The following VEGFC variants were observed in gnomAD, a reference collection of about 807,000 sequenced individuals.
VEGFC encodes the protein FLT4 ligand DHM.
Under a neutral mutation model 46.1 loss-of-function variants are expected in VEGFC, and 12 were observed. The observed-to-expected ratio is 0.26, with a 90% confidence interval of 0.17 to 0.42. The LOEUF is 0.42. Among genes scored for constraint, VEGFC ranks in the 10% least tolerant of loss-of-function variants. The pLI is 1.00. For synonymous variants in VEGFC, 232 were observed against 195.5 expected, an observed-to-expected ratio of 1.19 and a Z score of -1.56; for missense variants, 488 against 529.4, an observed-to-expected ratio of 0.92 and a Z score of 0.77.
chr4:176,692,606 G>A (rs60467889), intron 4 of VEGFC, among the ~76,000 whole-genome samples: 6,940 of 114,788 alleles, frequency 0.06, 629 homozygotes, highest in African/African-American at 0.23. Flanking sequence ...CGGGAAGCTC[G>A]AACTGGGTGG....
intron 1 of VEGFC, among the ~76,000 whole-genome samples, chr4:176,731,878 T>C (rs1025381806): frequency 1.3e-5 from 2 of 151,876 alleles, no homozygotes; most frequent in Non-Finnish European, 2.9e-5. Context: ...AAATGAGAAA[T>C]AACTATAACA....
intron 4 of VEGFC, among the ~76,000 whole-genome samples, chr4:176,698,574 A>G (rs1734366974): frequency 6.6e-6 from 1 of 152,054 alleles, no homozygotes; most frequent in Non-Finnish European, 1.5e-5. Context: ...CCACACCTCA[A>G]AGAGTTACTG....
chr4:176,789,862 C>T (rs532661282), intron 1 of VEGFC, among the ~76,000 whole-genome samples: 2 of 152,138 alleles, frequency 1.3e-5, no homozygotes, highest in Non-Finnish European at 2.9e-5. Context: ...AGTTTGTGTG[C>T]TATTTTTGAT....
intron 4 of VEGFC, among the ~76,000 whole-genome samples, chr4:176,699,245 C>T (rs892328010): frequency 6.6e-6 from 1 of 152,156 alleles, no homozygotes; most frequent in African/African-American, 2.4e-5. Flanking sequence ...GTGTGAGCCA[C>T]CAGCATTAGT....
chr4:176,697,981 G>A (rs1303047926), intron 4 of VEGFC, among the ~76,000 whole-genome samples: 3 of 151,552 alleles, frequency 2.0e-5, no homozygotes, highest in Non-Finnish European at 4.4e-5. Context: ...TCTGGGGACT[G>A]TTGTGGGGTG....
intron 1 of VEGFC, among the ~76,000 whole-genome samples, chr4:176,745,732 G>C (rs1413854800): frequency 6.6e-6 from 1 of 152,068 alleles, no homozygotes; most frequent in Non-Finnish European, 1.5e-5. Flanking sequence ...TGATCAGATG[G>C]GGATGACAGC....
At chr4:176,765,276 G>GA (rs1056052406) in intron 1 of VEGFC, among the ~76,000 whole-genome samples, 90 of 143,936 alleles carry the variant, frequency 6.3e-4, no homozygotes, top group African/African-American at 1.8e-3. Context: ...GAGAAAACTA[G>GA]AAAAAAAAAA....
chr4:176,756,939 T>C (rs533082891), intron 1 of VEGFC, among the ~76,000 whole-genome samples: 3 of 152,154 alleles, frequency 2.0e-5, no homozygotes, highest in East Asian at 1.9e-4. Flanking sequence ...CTGGAAGGTT[T>C]AGGCAACTAG....
At chr4:176,772,503 T>C (rs1283150774) in intron 1 of VEGFC, among the ~76,000 whole-genome samples, 1 of 152,204 alleles carries the variant, frequency 6.6e-6, no homozygotes. Flanking sequence ...GCAAACAACC[T>C]GGAGAAAACA....
At chr4:176,775,986 T>C (rs1156627663) in intron 1 of VEGFC, among the ~76,000 whole-genome samples, 1 of 152,142 alleles carries the variant, frequency 6.6e-6, no homozygotes, top group Non-Finnish European at 1.5e-5. Context: ...TTAAAGTATG[T>C]ACAAAATATA....
intron 3 of VEGFC, among the ~76,000 whole-genome samples, chr4:176,724,567 C>T (rs1262387830): frequency 3.9e-5 from 6 of 152,126 alleles, no homozygotes; most frequent in Admixed American, 2.6e-4. Flanking sequence ...GAAAGTCTTG[C>T]CTGAGGCCTT....
At chr4:176,727,120 G>A (rs921710647) in intron 3 of VEGFC, among the ~76,000 whole-genome samples, 5 of 152,136 alleles carry the variant, frequency 3.3e-5, no homozygotes, top group South Asian at 4.1e-4. Flanking sequence ...CCTCTACCAC[G>A]TAAGGCCCAC....
At chr4:176,734,962 A>G (rs1416220515) in intron 1 of VEGFC, among the ~76,000 whole-genome samples, 2 of 151,236 alleles carry the variant, frequency 1.3e-5, no homozygotes, top group African/African-American at 4.8e-5. Context: ...TTTTCTTTTT[A>G]CCTTCAATGA....
intron 4 of VEGFC, among the ~76,000 whole-genome samples, chr4:176,695,933 AC>A (rs1579090405): frequency 2.7e-5 from 4 of 149,958 alleles, no homozygotes; most frequent in Admixed American, 2.7e-4. Context: ...AAATTCAACA[AC>A]CCTTCATGCT....
Position 176,744,740 on chromosome 4 carries a change from T to G in VEGFC, c.148-14994A>C, listed in dbSNP as rs114214424. Reference sequence around the variant, plus strand: ...TATCATCTCTCCTATAATACTTCAGTGTAGATAATATTAATTTGTTTTATA... The same window carrying G: ...TATCATCTCTCCTATAATACTTCAGGGTAGATAATATTAATTTGTTTTATA... On this transcript the variant is annotated intron_variant, in intron 1 of 6. Coordinates refer to ENST00000618562, the MANE Select transcript of VEGFC (RefSeq NM_005429.5). 1.7e-3 allele frequency among the ~76,000 whole-genome samples: 254 copies of G among 152,180 alleles called. 1 individual carries two copies. Among genetic ancestry groups the G allele is most frequent in the African/African-American group, 6.0e-3 (251 of 41,548 alleles).
intron 1 of VEGFC, among the ~76,000 whole-genome samples, chr4:176,765,054 T>C (rs1046394586): frequency 4.6e-5 from 7 of 151,834 alleles, no homozygotes; most frequent in African/African-American, 1.5e-4. Flanking sequence ...AAAAAAGAAA[T>C]AGGTATTGTT....
intron 1 of VEGFC, among the ~76,000 whole-genome samples, chr4:176,746,469 T>C (rs1735259441): frequency 6.6e-6 from 1 of 152,120 alleles, no homozygotes; most frequent in Non-Finnish European, 1.5e-5. Context: ...TTCTGCACTA[T>C]CATTGCATTA....
intron 4 of VEGFC, among the ~76,000 whole-genome samples, chr4:176,707,453 T>C (rs1428809229): frequency 1.3e-5 from 2 of 152,168 alleles, no homozygotes; most frequent in African/African-American, 4.8e-5. Flanking sequence ...TAGCTTTTAT[T>C]GAATTGTGGG....
chr4:176,722,026 CAAAAT>C (rs1734795067), intron 3 of VEGFC, among the ~76,000 whole-genome samples: 2 of 151,390 alleles, frequency 1.3e-5, no homozygotes, highest in Admixed American at 1.3e-4. Context: ...ATTAAAATGA[CAAAAT>C]AAAAACTAAT....
Sources: allele counts gnomAD v4.1 joint callset (sites outside exome capture counted in the v4.1 genomes callset), GRCh38; gene constraint gnomAD v4.1.1; transcripts MANE v1.5; gene names NCBI Gene and HGNC (gene_info 2026-07-23, HGNC 2026-07-21).